AFF4: variants seen among roughly 807,000 people sequenced by gnomAD.
The protein encoded by AFF4 is ALF transcription elongation factor 4, also known as AF4/FMR2 family member 4.
In AFF4, 13 loss-of-function variants were observed where a neutral mutation model predicts 124.8. The ratio of observed to expected loss-of-function variants is 0.10; its 90% CI spans 0.07 to 0.17. The LOEUF is 0.17. Among genes scored for constraint, AFF4 ranks in the 10% least tolerant of loss-of-function variants. The pLI, the probability that AFF4 is intolerant of heterozygous loss-of-function variation, is 1.00. For missense variants in AFF4, 1,092 were observed against 1,403.8 expected, an observed-to-expected ratio of 0.78 and a Z score of 3.55; for synonymous variants, 477 against 496.1, an observed-to-expected ratio of 0.96 and a Z score of 0.51.
At chr5:132,926,119 T>C (rs1389327768) in intron 5 of AFF4, 2 of 288,544 alleles carry the variant, frequency 6.9e-6, no homozygotes, top group African/African-American at 2.2e-5. Flanking sequence ...TGATGAAAGA[T>C]ACAGAACAAT....
At chr5:132,899,889 CA>C (rs1175307469) in intron 7 of AFF4, among the ~76,000 whole-genome samples, 4 of 152,310 alleles carry the variant, frequency 2.6e-5, no homozygotes, top group Non-Finnish European at 5.9e-5. Context: ...TCTAATTAAA[CA>C]AAAGCTACTT....
chr5:132,893,149 T>G, intron 11 of AFF4, 31 bp from the exon 12 acceptor site: 5 of 1,597,144 alleles, frequency 3.1e-6, no homozygotes, highest in Non-Finnish European at 4.3e-6. Context: ...GTGGTCTGAT[T>G]TTTATTCAAC....
chr5:132,963,421 G>C lies in AFF4; in HGVS notation c.-167C>G. 2.5e-6 allele frequency: 1 copy of C among 398,184 alleles called. No homozygotes were observed. Among genetic ancestry groups the C allele is most frequent in the Non-Finnish European group, 4.4e-6 (1 of 225,854 alleles). The allele number at this position is 398,184 out of a possible 1,614,324, so 24.7% of individuals were successfully genotyped here. On this transcript the variant is annotated 5_prime_UTR_variant, in exon 1 of 21. Coordinates refer to ENST00000265343, the MANE Select transcript of AFF4 (RefSeq NM_014423.4). ...AGGCGGCGGGGGTTCCGGAGGCCTC[G>C]ACAAACGAAGGCGGCGTCGGCGGCG...
At chr5:132,920,198 C>T (rs1265966290) in intron 5 of AFF4, among the ~76,000 whole-genome samples, 1 of 151,692 alleles carries the variant, frequency 6.6e-6, no homozygotes, top group Non-Finnish European at 1.5e-5. Flanking sequence ...TACAGATGCC[C>T]GCCACCATGT....
At chr5:132,890,963 A>C (rs1760239459) in intron 13 of AFF4, among the ~76,000 whole-genome samples, 1 of 152,102 alleles carries the variant, frequency 6.6e-6, no homozygotes, top group Non-Finnish European at 1.5e-5. Flanking sequence ...GCAGAATCCA[A>C]ATGAGCAGGA....
In AFF4 at chr5:132,880,447, ATT is replaced by A. The variant is rs1213037939; in HGVS notation, c.*610_*611del. The stretch of plus-strand genomic sequence containing the variant: ...AATGCCATTTTCTCATATTTAAGTG[ATT>A]TTTTCATGTGTAGAAGAATATCCTT... On this transcript the variant is annotated 3_prime_UTR_variant, in exon 21 of 21. Transcript: ENST00000265343. 2.5e-6 allele frequency: 1 copy of A among 397,926 alleles called. No individual in the cohort carries two copies. Among genetic ancestry groups the A allele is most frequent in the African/African-American group, 2.1e-5 (1 of 48,606 alleles). The allele number at this position is 397,926 out of a possible 1,614,324, so 24.6% of individuals were successfully genotyped here.
chr5:132,886,791 A>C (rs1760129855), intron 17 of AFF4, among the ~76,000 whole-genome samples: 1 of 152,246 alleles, frequency 6.6e-6, no homozygotes, highest in Non-Finnish European at 1.5e-5. Flanking sequence ...TAGCTTATAA[A>C]GACCGTGCAG....
chr5:132,954,834 A>G (rs1356195274), intron 1 of AFF4, among the ~76,000 whole-genome samples: 1 of 152,082 alleles, frequency 6.6e-6, no homozygotes, highest in East Asian at 1.9e-4. Flanking sequence ...GGCGTGAGCC[A>G]CCGCGCCCGG....
At position 132,950,621 on chromosome 5, in the gene AFF4, C is replaced by T. The variant is rs534026941; in HGVS notation, c.-5+12638G>A. 2.0e-5 allele frequency among the ~76,000 whole-genome samples: 3 copies of T among 152,164 alleles called. No homozygotes were observed. The South Asian group carries it at 6.2e-4, about 32-fold the overall frequency. The stretch of plus-strand genomic sequence containing the variant: ...CCAAGATTGCGCCACTGCACTCCAG[C>T]CCAGGCGACGGTGCGAGACTCCATG... On this transcript the variant is annotated intron_variant, in intron 1 of 20. Transcript: ENST00000265343.
chr5:132,930,481 A>G (rs986852530), intron 4 of AFF4, among the ~76,000 whole-genome samples: 15 of 152,174 alleles, frequency 9.9e-5, no homozygotes, highest in African/African-American at 3.4e-4. Context: ...GGAGGGAGAA[A>G]GATAATGACC....
chr5:132,959,943 C>G (rs1762046201), intron 1 of AFF4, among the ~76,000 whole-genome samples: 1 of 151,294 alleles, frequency 6.6e-6, no homozygotes, highest in Admixed American at 6.6e-5. Context: ...TTTTTGTATT[C>G]TTTTAGTAGA....
In AFF4 at chr5:132,896,911, T is replaced by G; in HGVS notation, c.1719A>C (p.Ala573=). 6.2e-7 allele frequency: 1 copy of G among 1,614,198 alleles called. No homozygotes were observed. The highest frequency in any genetic ancestry group is 8.5e-7 in the Non-Finnish European group (1 of 1,180,040). ...GGCCTCCACGAGGCTCTTCAGCAGCTGCCTTCTCAGCCTTTTTGGGTTGTT... is the reference window on the plus strand; with the variant it reads ...GGCCTCCACGAGGCTCTTCAGCAGCGGCCTTCTCAGCCTTTTTGGGTTGTT... ...GKKQPKKAEK[A]AAEEPRGGLK... is the part of the protein sequence containing the mutation. Residue 573 remains alanine, a synonymous_variant, in exon 11 of 21, where the codon GCA becomes GCC. Transcript: ENST00000265343.
At position 132,889,140 on chromosome 5, in the gene AFF4, G is replaced by C; in HGVS notation, c.2671C>G (p.Pro891Ala). The change falls in exon 14 of 21, where the codon CCA becomes GCA. Residue 891 changes from proline (P) to alanine (A), a missense_variant. Pro to Ala is a conservative substitution (Grantham distance 27). This residue lies in a region of AFF4 where 293 missense variants were observed against 280.2 expected (regional missense o/e 1.05). Transcript: ENST00000265343. ...GAAGAATCAAGAGTTGGTGCAGATG[G>C]AGGACAGTTAGAGGAGCTACTTGGA... ...KAPSSSSNCP[P>A]SAPTLDSSKP... 1 of 1,613,980 alleles carries C rather than the reference G, an allele frequency of 6.2e-7. No homozygotes were observed. The highest frequency in any genetic ancestry group is 8.5e-7 in the Non-Finnish European group (1 of 1,179,894).
intron 14 of AFF4, 55 bp from the exon 15 acceptor site, chr5:132,888,215 T>C (rs1389998263): frequency 2.3e-6 from 3 of 1,329,554 alleles, no homozygotes; most frequent in Non-Finnish European, 3.2e-6. Context: ...ATAATACTAG[T>C]TCATTTCAGT....
At chr5:132,945,946 G>A (rs1761688309) in intron 1 of AFF4, among the ~76,000 whole-genome samples, 3 of 152,032 alleles carry the variant, frequency 2.0e-5, no homozygotes, top group Admixed American at 2.0e-4. Flanking sequence ...TGTAATCCCA[G>A]CTACTCGGGA....
Position 132,898,479 on chromosome 5 carries a change from TTTC to T in AFF4, c.1227-90_1227-88del, listed in dbSNP as rs995095474. 226 of 1,389,644 alleles carry T rather than the reference TTTC, an allele frequency of 1.6e-4. 1 individual carries two copies. In the African/African-American group the frequency reaches 2.9e-3, roughly 18 times the overall value. 86.1% of individuals were successfully genotyped at this position (1,389,644 alleles called of 1,614,324 possible). A position where few individuals can be genotyped will look rare whatever the true frequency, so the allele number is the denominator to read the frequency against. On this transcript the variant is annotated intron_variant, in intron 9 of 20. Transcript: ENST00000265343. ...CCAAATCGACAACCAACTTTCTTTTTTTCTTCTTGTCTTTTTTTTTTTTAGACG... is the reference window on the plus strand; with the variant it reads ...CCAAATCGACAACCAACTTTCTTTTTTTCTTGTCTTTTTTTTTTTTAGACG...
chr5:132,937,242 T>A (rs1581321503), intron 1 of AFF4, 49 bp from the exon 2 acceptor site: 2 of 1,539,996 alleles, frequency 1.3e-6, no homozygotes, highest in Non-Finnish European at 1.8e-6. Flanking sequence ...AAGGAAAAAT[T>A]AAATATTCTG....
intron 5 of AFF4, among the ~76,000 whole-genome samples, chr5:132,917,271 TTA>T (rs1760934595): frequency 6.6e-6 from 1 of 151,718 alleles, no homozygotes; most frequent in East Asian, 1.9e-4. Context: ...CAGGAAAATC[TTA>T]TGATCATTCC....
intron 12 of AFF4, 34 bp downstream of exon 12, chr5:132,892,993 TAAC>T: frequency 6.3e-7 from 1 of 1,583,638 alleles, no homozygotes; most frequent in Non-Finnish European, 8.7e-7. Context: ...ATACATATAT[TAAC>T]AACACTGGCA....
Sources: gnomAD v4.1 joint callset for allele counts (sites outside exome capture counted in the v4.1 genomes callset) on GRCh38, gnomAD v4.1.1 for gene constraint, gnomAD v4.1.1 regional missense constraint, MANE v1.5 for transcripts, NCBI Gene and HGNC (gene_info 2026-07-23, HGNC 2026-07-21) for gene names.